Variants in RASAL2 observed in about 807,000 individuals in gnomAD.
The protein encoded by RASAL2 is RAS protein activator like 2.
Under a neutral mutation model 128.9 loss-of-function variants are expected in RASAL2, and 58 were observed. That is an observed-to-expected ratio of 0.45 (90% confidence interval 0.36 to 0.56). The LOEUF (loss-of-function observed/expected upper bound fraction) is 0.56, where lower values mean the gene tolerates loss of function less well. Ranked by LOEUF, RASAL2 falls within the 20% of genes least tolerant of loss-of-function variation. The pLI is 0.00. For missense variants in RASAL2, 1,360 were observed against 1,601.6 expected, an observed-to-expected ratio of 0.85 and a Z score of 2.57; for synonymous variants, 561 against 580.8, an observed-to-expected ratio of 0.97 and a Z score of 0.49.
At chr1:178,454,730 T>G in intron 12 of RASAL2, 82 bp downstream of exon 12, 2 of 1,207,246 alleles carry the variant, frequency 1.7e-6, no homozygotes, top group Non-Finnish European at 2.4e-6. Context: ...CACTCACTCT[T>G]TCTGCTAATT....
chr1:178,329,534 C>T (rs1156859534), intron 3 of RASAL2, among the ~76,000 whole-genome samples: 1 of 152,138 alleles, frequency 6.6e-6, no homozygotes, highest in East Asian at 1.9e-4. Context: ...AAAAAATACT[C>T]TCTAAAGGAT....
intron 2 of RASAL2, among the ~76,000 whole-genome samples, chr1:178,286,719 ATCT>A (rs1667047521): frequency 6.6e-6 from 1 of 152,122 alleles, no homozygotes; most frequent in Admixed American, 6.5e-5. Context: ...GCCTGTAGTC[ATCT>A]TCTAACCTTC....
chr1:178,247,083 A>G (rs1299442753), intron 1 of RASAL2, among the ~76,000 whole-genome samples: 1 of 152,194 alleles, frequency 6.6e-6, no homozygotes, highest in Non-Finnish European at 1.5e-5. Context: ...GGCCTCATAA[A>G]ATGAGTTATG....
intron 14 of RASAL2, among the ~76,000 whole-genome samples, chr1:178,462,546 C>G (rs1647231905): frequency 6.6e-6 from 1 of 152,048 alleles, no homozygotes; most frequent in Non-Finnish European, 1.5e-5. Context: ...CAAAAATCAC[C>G]TCTGTTTCCT....
chr1:178,437,807 G>T (rs1304697781), intron 5 of RASAL2, among the ~76,000 whole-genome samples: 2 of 151,932 alleles, frequency 1.3e-5, no homozygotes, highest in African/African-American at 4.8e-5. Context: ...TACTATATTT[G>T]CAGTACATAA....
At chr1:178,367,202 G>C (rs1671448800) in intron 3 of RASAL2, among the ~76,000 whole-genome samples, 1 of 152,114 alleles carries the variant, frequency 6.6e-6, no homozygotes, top group Non-Finnish European at 1.5e-5. Flanking sequence ...TCCACAGTCT[G>C]ATCTCCTTTT....
At chr1:178,304,467 G>T (rs748707229) in intron 3 of RASAL2, among the ~76,000 whole-genome samples, 2 of 152,156 alleles carry the variant, frequency 1.3e-5, no homozygotes, top group African/African-American at 2.4e-5. Context: ...AGGCTACCGT[G>T]AGCTGAGATC....
At chr1:178,136,297 T>TG (rs1436838510) in intron 1 of RASAL2, among the ~76,000 whole-genome samples, 1 of 152,196 alleles carries the variant, frequency 6.6e-6, no homozygotes, top group African/African-American at 2.4e-5. Context: ...TAGACCCATT[T>TG]GGGCTTGAGT....
intron 1 of RASAL2, among the ~76,000 whole-genome samples, chr1:178,255,069 A>G (rs1236477658): frequency 2.6e-5 from 4 of 152,194 alleles, no homozygotes; most frequent in Admixed American, 1.3e-4. Flanking sequence ...ACTGTCAACC[A>G]AACATCTTAT....
intron 9 of RASAL2, among the ~76,000 whole-genome samples, chr1:178,447,605 A>C (rs1180401130): frequency 2.8e-5 from 4 of 143,656 alleles, no homozygotes; most frequent in Admixed American, 7.1e-5. Flanking sequence ...AGAGAGGTGG[A>C]AGTTGCGGTA....
intron 1 of RASAL2, among the ~76,000 whole-genome samples, chr1:178,120,641 CT>C (rs1417320732): frequency 6.6e-6 from 1 of 152,204 alleles, no homozygotes; most frequent in African/African-American, 2.4e-5. Context: ...TGATATGAGT[CT>C]GCAAGCAATT....
chr1:178,115,700 A>G (rs1016892512), intron 1 of RASAL2, among the ~76,000 whole-genome samples: 1 of 152,202 alleles, frequency 6.6e-6, no homozygotes, highest in Non-Finnish European at 1.5e-5. Context: ...CTTTATTTTC[A>G]AAAAGACCAC....
chr1:178,140,081 G>C (rs925767784), intron 1 of RASAL2, among the ~76,000 whole-genome samples: 1 of 152,164 alleles, frequency 6.6e-6, no homozygotes, highest in African/African-American at 2.4e-5. Flanking sequence ...TATGAAAGCA[G>C]ATTGGAAGTT....
At chr1:178,161,830 T>A (rs1661310108) in intron 1 of RASAL2, among the ~76,000 whole-genome samples, 1 of 152,158 alleles carries the variant, frequency 6.6e-6, no homozygotes, top group South Asian at 2.1e-4. Flanking sequence ...CCTTGGTGAC[T>A]AATAGTGCTG....
At chr1:178,102,649 G>A (rs1178396051) in intron 1 of RASAL2, among the ~76,000 whole-genome samples, 1 of 151,674 alleles carries the variant, frequency 6.6e-6, no homozygotes, top group Non-Finnish European at 1.5e-5. Flanking sequence ...TTTCTCTTAA[G>A]TGTATTTTCT....
intron 4 of RASAL2, among the ~76,000 whole-genome samples, chr1:178,394,694 C>T (rs1308692741): frequency 1.3e-5 from 2 of 152,164 alleles, no homozygotes; most frequent in Non-Finnish European, 2.9e-5. Context: ...TTGCTTTGAG[C>T]TTGGCTCTGA....
intron 3 of RASAL2, among the ~76,000 whole-genome samples, chr1:178,360,809 T>C (rs1671067589): frequency 6.6e-6 from 1 of 152,176 alleles, no homozygotes; most frequent in Admixed American, 6.5e-5. Flanking sequence ...TTCCAGTGGG[T>C]TGCTGGCAAT....
intron 1 of RASAL2, among the ~76,000 whole-genome samples, chr1:178,126,964 A>C (rs1427946018): frequency 6.6e-6 from 1 of 152,180 alleles, no homozygotes; most frequent in Non-Finnish European, 1.5e-5. Context: ...GCAAACACCC[A>C]CTTATAGCAG....
At chr1:178,238,740 A>G (rs1387959376) in intron 1 of RASAL2, among the ~76,000 whole-genome samples, 1 of 152,126 alleles carries the variant, frequency 6.6e-6, no homozygotes, top group Non-Finnish European at 1.5e-5. Flanking sequence ...CTCAAAATAT[A>G]AATATAGTTC....
Sources: allele counts gnomAD v4.1 joint callset (sites outside exome capture counted in the v4.1 genomes callset), GRCh38; gene constraint gnomAD v4.1.1; transcripts MANE v1.5; gene names NCBI Gene and HGNC (gene_info 2026-07-23, HGNC 2026-07-21).